The following NOL4L variants were observed in gnomAD, a reference collection of about 807,000 sequenced individuals.
The protein encoded by NOL4L is nucleolar protein 4 like.
In NOL4L, 7 loss-of-function variants were observed where a neutral mutation model predicts 64.5. The observed-to-expected ratio is 0.11, with a 90% CI of 0.06 to 0.20. The LOEUF (loss-of-function observed/expected upper bound fraction) is 0.20. Among genes scored for constraint, NOL4L ranks in the 10% least tolerant of loss-of-function variants. The pLI is 1.00. For synonymous variants in NOL4L, 413 were observed against 401.0 expected (o/e 1.03, Z -0.36); for missense variants, 680 against 967.1 (o/e 0.70, Z 3.94).
At chr20:32,574,439 A>G (rs1979958376) in intron 1 of NOL4L, among the ~76,000 whole-genome samples, 1 of 152,164 alleles carries the variant, frequency 6.6e-6, no homozygotes, top group South Asian at 2.1e-4. Context: ...TAACCTGTAG[A>G]ATGGGGTCAT....
intron 4 of NOL4L, among the ~76,000 whole-genome samples, chr20:32,488,859 CTTTCT>C (rs1568649314): frequency 1.3e-5 from 1 of 76,770 alleles, no homozygotes; most frequent in Non-Finnish European, 2.4e-5. Context: ...TTCTTTCTTT[CTTTCT>C]TTCTTTCTTT....
intron 1 of NOL4L, among the ~76,000 whole-genome samples, chr20:32,554,712 TCAAGAGTCATTG>T (rs1315799565): frequency 1.3e-5 from 2 of 152,046 alleles, no homozygotes; most frequent in Non-Finnish European, 2.9e-5. Context: ...ATACTGTTTG[TCAAGAGTCATTG>T]GCTCTGGAGC....
chr20:32,493,235 G>A (rs2016538548), intron 4 of NOL4L, among the ~76,000 whole-genome samples: 1 of 152,184 alleles, frequency 6.6e-6, no homozygotes, highest in African/African-American at 2.4e-5. Flanking sequence ...ACGTTCACTC[G>A]GTCCAAGGAA....
chr20:32,556,729 TG>T (rs1978677297), intron 1 of NOL4L, among the ~76,000 whole-genome samples: 1 of 152,160 alleles, frequency 6.6e-6, no homozygotes, highest in African/African-American at 2.4e-5. Context: ...TTCATTCCAC[TG>T]GGCAGGTCGG....
At chr20:32,452,554 C>G (rs1018938995) in intron 9 of NOL4L, 117 bp from the exon 10 acceptor site, 2 of 982,662 alleles carry the variant, frequency 2.0e-6, no homozygotes, top group Non-Finnish European at 2.9e-6. Flanking sequence ...CCCAATGCTG[C>G]GGTTTGACCT....
At chr20:32,493,462 T>A (rs1290356024) in intron 4 of NOL4L, among the ~76,000 whole-genome samples, 1 of 152,004 alleles carries the variant, frequency 6.6e-6, no homozygotes, top group African/African-American at 2.4e-5. Flanking sequence ...GCGGACACGC[T>A]CTGTTTGCAC....
chr20:32,473,426 C>G (rs1401609948), intron 5 of NOL4L, among the ~76,000 whole-genome samples: 7 of 152,176 alleles, frequency 4.6e-5, no homozygotes, highest in African/African-American at 7.2e-5. Context: ...GCTGGCAGCA[C>G]GAGGGGGTCG....
At chr20:32,533,489 T>C (rs542759861) in intron 1 of NOL4L, 27 of 152,342 alleles carry the variant, frequency 1.8e-4, no homozygotes, top group African/African-American at 5.8e-4. Flanking sequence ...GAGGTAACTG[T>C]AGGAAAACAG....
chr20:32,576,111 C>G (rs938073312), intron 1 of NOL4L, among the ~76,000 whole-genome samples: 2 of 152,108 alleles, frequency 1.3e-5, no homozygotes, highest in African/African-American at 4.8e-5. Flanking sequence ...ACTGGGAAGG[C>G]CTTGGCTCTT....
intron 4 of NOL4L, chr20:32,483,596 AG>A: frequency 4.1e-6 from 2 of 485,674 alleles, no homozygotes; most frequent in Non-Finnish European, 4.7e-6. Context: ...GCCCGGAGGA[AG>A]GGGGAGGGGG....
chr20:32,463,209 G>A lies in NOL4L; in HGVS notation c.842-6814C>T, dbSNP rs975698821. 6.6e-6 allele frequency among the ~76,000 whole-genome samples: 1 copy of A among 152,232 alleles called. No individual in the cohort carries two copies. Among genetic ancestry groups the A allele is most frequent in the African/African-American group, 2.4e-5 (1 of 41,466 alleles). On this transcript the variant is annotated intron_variant, in intron 5 of 10. Transcript: ENST00000621426. This position sits in a 1 kb window ranked among gnomAD's most constrained non-coding sequence, Gnocchi z 5.8. Reference sequence around the variant, plus strand: ...GGCCTCCAGCTGGGAGGCTCAGTGGGAAGCTGGGAGTTCTGGATGGACCCT... The same window carrying A: ...GGCCTCCAGCTGGGAGGCTCAGTGGAAAGCTGGGAGTTCTGGATGGACCCT...
At chr20:32,455,378 C>T (rs1398878059) in intron 6 of NOL4L, among the ~76,000 whole-genome samples, 1 of 152,224 alleles carries the variant, frequency 6.6e-6, no homozygotes, top group African/African-American at 2.4e-5. Context: ...AGAATGTCCC[C>T]ACGAGACATT....
At chr20:32,479,696 C>T (rs939707271) in intron 4 of NOL4L, among the ~76,000 whole-genome samples, 4 of 152,228 alleles carry the variant, frequency 2.6e-5, no homozygotes, top group African/African-American at 9.6e-5. Context: ...AAGCCCGTGG[C>T]CTTGCCCACC....
intron 1 of NOL4L, among the ~76,000 whole-genome samples, chr20:32,558,008 A>G (rs1042298951): frequency 2.0e-5 from 3 of 152,264 alleles, no homozygotes; most frequent in Non-Finnish European, 1.5e-5. Context: ...AGCTGTGATC[A>G]TGCCACTGAA....
intron 1 of NOL4L, among the ~76,000 whole-genome samples, chr20:32,538,045 C>T (rs1452643110): frequency 6.6e-6 from 1 of 152,192 alleles, no homozygotes; most frequent in Non-Finnish European, 1.5e-5. Context: ...TCCAAAAGTG[C>T]TGGGATGACA....
At chr20:32,516,366 G>A (rs1029432088) in intron 3 of NOL4L, among the ~76,000 whole-genome samples, 1 of 152,128 alleles carries the variant, frequency 6.6e-6, no homozygotes, top group African/African-American at 2.4e-5. Context: ...CATGCTATCC[G>A]GGTGGGGAAC....
intron 1 of NOL4L, among the ~76,000 whole-genome samples, chr20:32,583,825 C>A (rs1251514737): frequency 6.7e-6 from 1 of 148,632 alleles, no homozygotes; most frequent in Non-Finnish European, 1.5e-5. Flanking sequence ...GCCACCCCGC[C>A]CGGACCGGGC....
chr20:32,454,480 G>T (rs1015891055), intron 6 of NOL4L, among the ~76,000 whole-genome samples: 5 of 151,558 alleles, frequency 3.3e-5, no homozygotes, highest in Non-Finnish European at 4.4e-5. Flanking sequence ...CCAGCCCTCT[G>T]CTCCCACCAC....
intron 1 of NOL4L, among the ~76,000 whole-genome samples, chr20:32,533,937 A>T (rs1307276581): frequency 5.3e-5 from 8 of 152,200 alleles, no homozygotes; most frequent in Admixed American, 5.2e-4. Context: ...GTCTCCCCAC[A>T]TGAGCCAATT....
Sources: gnomAD v4.1 joint callset for allele counts (sites outside exome capture counted in the v4.1 genomes callset) on GRCh38, gnomAD v4.1.1 for gene constraint, Gnocchi (gnomAD v3.1) non-coding constraint, MANE v1.5 for transcripts, NCBI Gene and HGNC (gene_info 2026-07-23, HGNC 2026-07-21) for gene names.